Variants in PTPRM observed in about 807,000 individuals in gnomAD.
The protein encoded by PTPRM is receptor-type tyrosine-protein phosphatase mu.
In PTPRM, 47 loss-of-function variants were observed where a neutral mutation model predicts 186.7. The observed-to-expected ratio is 0.25, with a 90% CI of 0.20 to 0.32. The LOEUF (loss-of-function observed/expected upper bound fraction) is 0.32. Among genes scored for constraint, PTPRM ranks in the 10% least tolerant of loss-of-function variants. The probability of loss-of-function intolerance (pLI) is 1.00; values close to 1 mark genes in which losing one functional copy is unlikely to be tolerated. For missense variants in PTPRM, 1,494 were observed against 1,865.0 expected (o/e 0.80, Z 3.66); for synonymous variants, 668 against 674.9 (o/e 0.99, Z 0.16).
chr18:7,671,027 T>A (rs570260150), intron 1 of PTPRM, among the ~76,000 whole-genome samples: 7 of 152,354 alleles, frequency 4.6e-5, no homozygotes, highest in Admixed American at 2.6e-4. Flanking sequence ...ACCTTTAGAT[T>A]TAAAACAAGA....
At chr18:8,029,449 G>C (rs2148042334) in intron 7 of PTPRM, among the ~76,000 whole-genome samples, 1 of 151,382 alleles carries the variant, frequency 6.6e-6, no homozygotes, top group South Asian at 2.1e-4. Flanking sequence ...CACCTGTCCT[G>C]CCTGGAGTGC....
chr18:8,327,638 G>T (rs942003902), intron 22 of PTPRM, among the ~76,000 whole-genome samples: 5 of 152,210 alleles, frequency 3.3e-5, no homozygotes, highest in Non-Finnish European at 7.3e-5. Flanking sequence ...GATGGCTCAT[G>T]TTGGCCCGGC....
chr18:8,028,771 G>A (rs894976361), intron 7 of PTPRM, among the ~76,000 whole-genome samples: 1 of 152,166 alleles, frequency 6.6e-6, no homozygotes, highest in African/African-American at 2.4e-5. Flanking sequence ...TCAGCTGGCT[G>A]AATAACAATA....
intron 19 of PTPRM, among the ~76,000 whole-genome samples, chr18:8,288,692 C>A (rs2094986498): frequency 6.6e-6 from 1 of 152,170 alleles, no homozygotes; most frequent in South Asian, 2.1e-4. Flanking sequence ...TTTGCTCTTG[C>A]CACTTGATCA....
At chr18:7,779,318 A>C (rs565698992) in intron 2 of PTPRM, among the ~76,000 whole-genome samples, 2 of 152,252 alleles carry the variant, frequency 1.3e-5, no homozygotes, top group Admixed American at 6.5e-5. Context: ...TTAGCTTTCC[A>C]TGTCTTAGTT....
intron 7 of PTPRM, among the ~76,000 whole-genome samples, chr18:7,973,074 C>G (rs1283307076): frequency 6.6e-6 from 1 of 151,778 alleles, no homozygotes; most frequent in African/African-American, 2.4e-5. Context: ...TATATATAAC[C>G]CACTCTTATT....
intron 1 of PTPRM, among the ~76,000 whole-genome samples, chr18:7,751,880 C>T (rs1174761560): frequency 6.6e-6 from 1 of 152,192 alleles, no homozygotes; most frequent in Non-Finnish European, 1.5e-5. Context: ...AATGCTTTCT[C>T]AATTTTTGTC....
In PTPRM at chr18:7,685,262, A is replaced by G. The variant is rs145101113; in HGVS notation, c.74-88887A>G. On this transcript the variant is annotated intron_variant, in intron 1 of 32. Transcript: ENST00000580170. ...GGAACAAGCCCAAGCTTGTACTGTT[A>G]TTTGCTGGCCTGATGAACATCCTAT... Among the ~76,000 whole-genome samples the G allele has an allele frequency of 2.6e-3, 401 of 152,210 alleles. 2 individuals carry two copies. The highest frequency in any genetic ancestry group is 9.4e-3 in the African/African-American group (390 of 41,538).
chr18:8,070,801 C>T (rs2089427057), intron 8 of PTPRM, among the ~76,000 whole-genome samples: 1 of 152,076 alleles, frequency 6.6e-6, no homozygotes, highest in Non-Finnish European at 1.5e-5. Context: ...AAATGAATGA[C>T]AAAGAATGTA....
chr18:7,622,805 T>C (rs984455587), intron 1 of PTPRM, among the ~76,000 whole-genome samples: 6 of 152,170 alleles, frequency 3.9e-5, no homozygotes, highest in African/African-American at 1.2e-4. Flanking sequence ...TTTCTTTTAA[T>C]CTGAGAGTTG....
At chr18:7,916,599 C>T (rs1270745905) in intron 4 of PTPRM, among the ~76,000 whole-genome samples, 3 of 151,956 alleles carry the variant, frequency 2.0e-5, no homozygotes, top group Non-Finnish European at 4.4e-5. Context: ...GGGGAAAGAG[C>T]TGAGTCCTTT....
At chr18:8,010,286 C>G (rs1176604546) in intron 7 of PTPRM, among the ~76,000 whole-genome samples, 1 of 152,144 alleles carries the variant, frequency 6.6e-6, no homozygotes, top group African/African-American at 2.4e-5. Context: ...CAAGGCATTT[C>G]CCTTTTCAAA....
intron 1 of PTPRM, among the ~76,000 whole-genome samples, chr18:7,744,200 T>C (rs1184196285): frequency 6.6e-6 from 1 of 152,134 alleles, no homozygotes; most frequent in Non-Finnish European, 1.5e-5. Context: ...GAAAACTGGA[T>C]TCTGTTACAA....
At position 7,791,441 on chromosome 18, in the gene PTPRM, G is replaced by A. The variant is rs528833392; in HGVS notation, c.196+17170G>A. 7.3e-4 allele frequency among the ~76,000 whole-genome samples: 111 copies of A among 152,238 alleles called. 1 individual carries two copies. Among genetic ancestry groups the A allele is most frequent in the Non-Finnish European group, 3.7e-4 (25 of 68,026 alleles). On this transcript the variant is annotated intron_variant, in intron 2 of 32. Coordinates refer to ENST00000580170, the MANE Select transcript of PTPRM (RefSeq NM_001105244.2). ...GTGGTCCCAGCTTGGAGGTGGTTGG[G>A]TTGGGAGCTTGTTACACATAGACAT...
In PTPRM at chr18:8,289,539, T is replaced by TATATATATACATATATATATACAC. The variant is rs1568674684; in HGVS notation, c.2755-6820_2755-6819insCATATATATATACACATATATATA. 5.2e-3 allele frequency among the ~76,000 whole-genome samples: 295 copies of TATATATATACATATATATATACAC among 56,814 alleles called. 25 individuals are homozygous for TATATATATACATATATATATACAC. The highest frequency in any genetic ancestry group is 0.033 in the African/African-American group (273 of 8,296). 37.3% of individuals were successfully genotyped at this position (56,814 alleles called of 152,430 possible). ...GTATATATATACATATATATACACA[T>TATATATATACATATATATATACAC]ATATATATATACATATATATACACA... On this transcript the variant is annotated intron_variant, in intron 19 of 32. Coordinates refer to ENST00000580170, the MANE Select transcript of PTPRM (RefSeq NM_001105244.2).
chr18:7,826,553 G>T (rs1373777282), intron 2 of PTPRM, among the ~76,000 whole-genome samples: 1 of 152,136 alleles, frequency 6.6e-6, no homozygotes, highest in East Asian at 1.9e-4. Flanking sequence ...TTGAAAAGCA[G>T]AAAGAAATTA....
At chr18:8,113,361 A>G (rs2091837019) in intron 11 of PTPRM, 125 bp from the exon 12 acceptor site, 2 of 822,680 alleles carry the variant, frequency 2.4e-6, no homozygotes, top group South Asian at 3.4e-5. Flanking sequence ...TATATCAAGC[A>G]CTTAGTATGG....
At chr18:8,200,101 G>A (rs1457823425) in intron 14 of PTPRM, among the ~76,000 whole-genome samples, 1 of 152,170 alleles carries the variant, frequency 6.6e-6, no homozygotes, top group East Asian at 1.9e-4. Context: ...CTTTGGGGAA[G>A]CCCTGAAACT....
In PTPRM at chr18:7,660,134, C is replaced by G. The variant is rs139675555; in HGVS notation, c.73+92243C>G. On this transcript the variant is annotated intron_variant, in intron 1 of 32. Coordinates refer to ENST00000580170, the MANE Select transcript of PTPRM (RefSeq NM_001105244.2). ...GATAGATCACTTGAGGTCAGTAGTT[C>G]AAGACCAGCCTGGCCAACATGACAA... Among the ~76,000 whole-genome samples, 1,419 of 152,158 alleles carry G rather than the reference C, an allele frequency of 9.3e-3. 8 individuals are homozygous for G. The highest frequency in any genetic ancestry group is 0.027 in the South Asian group (128 of 4,820).
Sources: gnomAD v4.1 joint callset for allele counts (sites outside exome capture counted in the v4.1 genomes callset) on GRCh38, gnomAD v4.1.1 for gene constraint, MANE v1.5 for transcripts, NCBI Gene and HGNC (gene_info 2026-07-23, HGNC 2026-07-21) for gene names.